PTPRM: variants seen among roughly 807,000 people sequenced by gnomAD.
The protein encoded by PTPRM is protein tyrosine phosphatase receptor type M, also known as receptor-type tyrosine-protein phosphatase mu.
Under a neutral mutation model 186.7 loss-of-function variants are expected in PTPRM, and 47 were observed. That is an observed-to-expected ratio of 0.25 (90% confidence interval 0.20 to 0.32). PTPRM has a LOEUF of 0.32. PTPRM is among the 10% of genes least tolerant of loss of function. PTPRM has a pLI of 1.00. For synonymous variants in PTPRM, 668 were observed against 674.9 expected (o/e 0.99, Z 0.16); for missense variants, 1,494 against 1,865.0 (o/e 0.80, Z 3.66).
intron 10 of PTPRM, among the ~76,000 whole-genome samples, chr18:8,087,990 G>C (rs139546725): frequency 6.6e-6 from 1 of 152,190 alleles, no homozygotes; most frequent in Non-Finnish European, 1.5e-5. Context: ...CTGGAAACTG[G>C]CCTTAGAAAT....
chr18:8,355,453 G>C (rs1033480150), intron 23 of PTPRM, among the ~76,000 whole-genome samples: 1 of 152,148 alleles, frequency 6.6e-6, no homozygotes, highest in African/African-American at 2.4e-5. Flanking sequence ...GGGAGATAGG[G>C]AATGGGGATT....
chr18:7,795,221 G>A lies in PTPRM; in HGVS notation c.196+20950G>A, dbSNP rs1225908557. 2.0e-5 allele frequency among the ~76,000 whole-genome samples: 3 copies of A among 152,184 alleles called. No individual in the cohort carries two copies. In the East Asian group the frequency reaches 5.8e-4, roughly 29 times the overall value. ...TTTTGGCATTAGACTGGTGGCCAGT[G>A]GTGTCATTTGATGTAGGAATTCTGT... On this transcript the variant is annotated intron_variant, in intron 2 of 32. Coordinates refer to ENST00000580170, the MANE Select transcript of PTPRM (RefSeq NM_001105244.2).
intron 7 of PTPRM, among the ~76,000 whole-genome samples, chr18:7,957,172 TC>T: frequency 6.6e-6 from 1 of 151,312 alleles, no homozygotes; most frequent in East Asian, 1.9e-4. Context: ...CCAGTCCTGT[TC>T]TTTTTTTTTT....
intron 19 of PTPRM, among the ~76,000 whole-genome samples, chr18:8,288,032 T>C (rs1164369198): frequency 6.6e-6 from 1 of 152,168 alleles, no homozygotes; most frequent in African/African-American, 2.4e-5. Flanking sequence ...CTCATTGATA[T>C]ACATGGGAAT....
intron 13 of PTPRM, among the ~76,000 whole-genome samples, chr18:8,138,526 C>T (rs755545523): frequency 3.2e-4 from 48 of 152,134 alleles, no homozygotes; most frequent in Admixed American, 2.0e-4. Flanking sequence ...CTCACACCTC[C>T]GTTCTGGTCC....
chr18:7,898,208 G>A (rs1415395977), intron 3 of PTPRM, among the ~76,000 whole-genome samples: 1 of 152,136 alleles, frequency 6.6e-6, no homozygotes, highest in African/African-American at 2.4e-5. Context: ...TTGTAAATGG[G>A]TGTGACCCAC....
intron 14 of PTPRM, among the ~76,000 whole-genome samples, chr18:8,243,328 G>A (rs1015490212): frequency 7.2e-5 from 11 of 152,116 alleles, no homozygotes; most frequent in African/African-American, 1.2e-4. Context: ...CCTGCTGAAC[G>A]TTGCAGGGAA....
chr18:8,092,729 C>A (rs2090810724), intron 11 of PTPRM, among the ~76,000 whole-genome samples: 1 of 152,030 alleles, frequency 6.6e-6, no homozygotes, highest in Non-Finnish European at 1.5e-5. Flanking sequence ...CTTTGGGAGG[C>A]AAAGGTGGAA....
At chr18:8,165,699 C>T (rs2093312599) in intron 14 of PTPRM, among the ~76,000 whole-genome samples, 1 of 152,186 alleles carries the variant, frequency 6.6e-6, no homozygotes, top group Non-Finnish European at 1.5e-5. Context: ...CAGTCGCTTC[C>T]ATGGCTATCA....
chr18:8,256,713 C>T (rs1037792950), intron 19 of PTPRM, among the ~76,000 whole-genome samples: 33 of 152,120 alleles, frequency 2.2e-4, no homozygotes, highest in African/African-American at 7.7e-4. Context: ...CAAAAATTCC[C>T]GTTAACAAGT....
chr18:8,249,986 A>C (rs970299302), intron 17 of PTPRM, among the ~76,000 whole-genome samples: 3 of 152,194 alleles, frequency 2.0e-5, no homozygotes, highest in African/African-American at 7.2e-5. Flanking sequence ...AGGATTGGTG[A>C]GGTTAGCACT....
At chr18:7,823,616 T>A (rs768572207) in intron 2 of PTPRM, among the ~76,000 whole-genome samples, 6 of 152,128 alleles carry the variant, frequency 3.9e-5, no homozygotes, top group Non-Finnish European at 8.8e-5. Flanking sequence ...GCAAAAGAAG[T>A]TGGAAGGAGC....
At chr18:8,118,123 T>C (rs2092025980) in intron 13 of PTPRM, among the ~76,000 whole-genome samples, 3 of 152,230 alleles carry the variant, frequency 2.0e-5, no homozygotes, top group African/African-American at 7.2e-5. Context: ...TAAGTTAATT[T>C]CTTATATTGA....
chr18:8,375,034 T>C (rs1344803211), intron 24 of PTPRM, among the ~76,000 whole-genome samples: 1 of 152,246 alleles, frequency 6.6e-6, no homozygotes, highest in Non-Finnish European at 1.5e-5. Context: ...CATCCAGCGT[T>C]GATTCCGGTT....
In PTPRM at chr18:8,406,139, C is replaced by T. The variant is rs1347733518; in HGVS notation, c.4375C>T (p.Leu1459=). The part of the protein sequence containing the change: ...DQYKFCYEVA[L]EYLNSG ...GTACAAGTTCTGCTACGAGGTGGCCCTGGAATACTTGAATTCTGGCTGATG... is the reference window on the plus strand; with the variant it reads ...GTACAAGTTCTGCTACGAGGTGGCCTTGGAATACTTGAATTCTGGCTGATG... The change falls in exon 33 of 33, where the codon CTG becomes TTG. Residue 1459 remains leucine, a synonymous_variant. Transcript: ENST00000580170. 4 of 1,614,026 alleles carry T rather than the reference C, an allele frequency of 2.5e-6. No individual in the cohort carries two copies. Among genetic ancestry groups the T allele is most frequent in the Admixed American group, 1.7e-5 (1 of 59,992 alleles).
intron 20 of PTPRM, among the ~76,000 whole-genome samples, chr18:8,304,933 A>C (rs951143503): frequency 6.6e-6 from 1 of 152,022 alleles, no homozygotes; most frequent in Non-Finnish European, 1.5e-5. Flanking sequence ...ACGTAAAATC[A>C]TAAAGATGAT....
chr18:8,078,583 GAAA>G (rs982121213), intron 9 of PTPRM, among the ~76,000 whole-genome samples: 2 of 152,196 alleles, frequency 1.3e-5, no homozygotes, highest in Non-Finnish European at 2.9e-5. Flanking sequence ...ATTTTTGAAG[GAAA>G]GAAGAAAGCA....
chr18:8,021,164 C>T (rs1025091518), intron 7 of PTPRM, among the ~76,000 whole-genome samples: 2 of 152,230 alleles, frequency 1.3e-5, no homozygotes, highest in African/African-American at 4.8e-5. Context: ...TTGGAAAATA[C>T]TCTGTGTACT....
At chr18:7,699,810 G>C (rs923027105) in intron 1 of PTPRM, among the ~76,000 whole-genome samples, 7 of 151,338 alleles carry the variant, frequency 4.6e-5, no homozygotes, top group Non-Finnish European at 1.0e-4. Context: ...AATATACTCT[G>C]TGATTTTCCG....
Sources: allele counts gnomAD v4.1 joint callset (sites outside exome capture counted in the v4.1 genomes callset), GRCh38; gene constraint gnomAD v4.1.1; transcripts MANE v1.5; gene names NCBI Gene and HGNC (gene_info 2026-07-23, HGNC 2026-07-21).